FGFBP1: variants seen among roughly 807,000 people sequenced by gnomAD.
The protein encoded by FGFBP1 is fibroblast growth factor binding protein 1.
FGFBP1 carries 12 observed loss-of-function variants against 14.6 expected under a neutral mutation model. That is an observed-to-expected ratio of 0.82 (90% CI 0.53 to 1.33). The LOEUF is 1.33. Among genes scored for constraint, FGFBP1 ranks in the 40% most tolerant of loss-of-function variants. The pLI, the probability that FGFBP1 is intolerant of heterozygous loss-of-function variation, is 0.00. For synonymous variants in FGFBP1, 117 were observed against 105.0 expected (o/e 1.11, Z -0.70); for missense variants, 317 against 271.8 (o/e 1.17, Z -1.17).
intron 2 of FGFBP1, among the ~76,000 whole-genome samples, chr4:15,938,012 A>G (rs1712535741): frequency 6.6e-6 from 1 of 152,248 alleles, no homozygotes; most frequent in African/African-American, 2.4e-5. Context: ...TTTCTACCCT[A>G]GAAGTTGGCC....
At position 15,936,234 on chromosome 4, in the gene FGFBP1, A is replaced by G. The variant is rs1235521355; in HGVS notation, c.399T>C (p.Ala133=). ...CCTTTCTGCACACTCTGGTTTTCAC[A>G]GCTGTCTTGGAATATCTACAGATGT... The part of the protein sequence containing the change: ...QKDICRYSKT[A]VKTRVCRKDF... The change falls in exon 3 of 3, where the codon GCT becomes GCC. Residue 133 remains alanine, a synonymous_variant. Transcript: ENST00000382333. 1.2e-6 allele frequency: 2 copies of G among 1,614,220 alleles called. No individual in the cohort carries two copies. The highest frequency in any genetic ancestry group is 2.2e-5 in the East Asian group (1 of 44,892).
In FGFBP1 at chr4:15,936,293, T is replaced by C. The variant is rs139688335; in HGVS notation, c.340A>G (p.Lys114Glu). The C allele has an allele frequency of 2.2e-5, 36 of 1,614,216 alleles. No individual in the cohort carries two copies. In the African/African-American group the frequency reaches 4.0e-4, roughly 18 times the overall value. The change falls in exon 3 of 3, where the codon AAA becomes GAA. Residue 114 changes from lysine to glutamate, a missense_variant. Transcript: ENST00000382333. ...LKLKDERVYW[K>E]QVARNLRSQK... ...GAGCGCAGATTCCGGGCAACTTGTT[T>C]CCAATAGACTCTCTCATCCTTGAGC...
chr4:15,935,845 G>A lies in FGFBP1; in HGVS notation c.*83C>T. 1 of 774,022 alleles carries A rather than the reference G, an allele frequency of 1.3e-6. No individual in the cohort carries two copies. The allele number at this position is 774,022 out of a possible 1,614,324, so 47.9% of individuals were successfully genotyped here. A position where few individuals can be genotyped will look rare whatever the true frequency, so the allele number is the denominator to read the frequency against. On this transcript the variant is annotated 3_prime_UTR_variant, in exon 3 of 3. Transcript: ENST00000382333. ...ACTAAGCACAAAAGTTCATATTTTG[G>A]GGGGACTGTAGAGAGCTTTAAAGTA... is the stretch of plus-strand genomic sequence containing the variant.
At position 15,935,628 on chromosome 4, in the gene FGFBP1, C is replaced by T. The variant is rs974949594; in HGVS notation, c.*300G>A. On this transcript the variant is annotated 3_prime_UTR_variant, in exon 3 of 3. Coordinates refer to ENST00000382333, the MANE Select transcript of FGFBP1 (RefSeq NM_005130.5). ...ATTACCATTAATTCAGCAGAAAGTT[C>T]GTTGCACTGAAATTATCACTCTGGC... 3.9e-5 allele frequency: 10 copies of T among 254,424 alleles called. No homozygotes were observed. Among genetic ancestry groups the T allele is most frequent in the African/African-American group, 1.6e-4 (7 of 45,100 alleles). 15.8% of individuals were successfully genotyped at this position (254,424 alleles called of 1,614,324 possible).
Position 15,936,221 on chromosome 4 carries a change from C to A in FGFBP1, c.412G>T (p.Val138Leu). 6.2e-7 allele frequency: 1 copy of A among 1,614,226 alleles called. No homozygotes were observed. The highest frequency in any genetic ancestry group is 1.1e-5 in the South Asian group (1 of 91,092). The change falls in exon 3 of 3, where the codon GTG becomes TTG. Residue 138 changes from valine to leucine, a missense_variant. By Grantham distance (32) the Val-to-Leu change is conservative. Transcript: ENST00000382333. ...RYSKTAVKTR[V>L]CRKDFPESSL... ...GATTCTGGAAAATCCTTTCTGCACA[C>A]TCTGGTTTTCACAGCTGTCTTGGAA...
In FGFBP1 at chr4:15,936,478, C is replaced by A; in HGVS notation, c.155G>T (p.Ser52Ile). Residue 52 changes from serine to isoleucine, a missense_variant, in exon 3 of 3, where the codon AGC becomes ATC. Coordinates refer to ENST00000382333, the MANE Select transcript of FGFBP1 (RefSeq NM_005130.5). ...TLGNTQIKQK[S>I]RPGNKGKFVT... Reference sequence around the variant, plus strand: ...AAACTTGCCTTTGTTCCCGGGCCTGCTTTTCTGCTTAATCTGGGTGTTGCC... The same window carrying A: ...AAACTTGCCTTTGTTCCCGGGCCTGATTTTCTGCTTAATCTGGGTGTTGCC... The A allele has an allele frequency of 6.2e-7, 1 of 1,614,202 alleles. No homozygotes were observed. The highest frequency in any genetic ancestry group is 8.5e-7 in the Non-Finnish European group (1 of 1,180,026).
Position 15,935,997 on chromosome 4 carries a change from C to T in FGFBP1, c.636G>A (p.Glu212=). 1 of 1,614,126 alleles carries T rather than the reference C, an allele frequency of 6.2e-7. No homozygotes were observed. Among genetic ancestry groups the T allele is most frequent in the Non-Finnish European group, 8.5e-7 (1 of 1,179,980 alleles). The change falls in exon 3 of 3, where the codon GAG becomes GAA. Residue 212 remains glutamate (E), a synonymous_variant. Transcript: ENST00000382333. The part of the protein sequence containing the change: ...DMANQRKTAL[E]FCGETWSSLC... ...GAGAGCTCCAAGTCTCTCCACAGAA[C>T]TCCAGGGCAGTCTTCCTCTGGTTTG...
rs769936808 is a variant in FGFBP1 at position 15,935,919 on chromosome 4, T to C, written c.*9A>G. The stretch of plus-strand genomic sequence containing the variant: ...ATCTCTTAAGGGAACCCGTTCTCTT[T>C]TGACCTCATTAGCATGACGTGTCCT... On this transcript the variant is annotated 3_prime_UTR_variant, in exon 3 of 3. Coordinates refer to ENST00000382333, the MANE Select transcript of FGFBP1 (RefSeq NM_005130.5). 5 of 1,561,114 alleles carry C rather than the reference T, an allele frequency of 3.2e-6. No individual in the cohort carries two copies. The Admixed American group carries it at 9.1e-5, about 29-fold the overall frequency.
intron 2 of FGFBP1, among the ~76,000 whole-genome samples, 155 bp downstream of exon 2, chr4:15,938,096 T>C (rs532731251): frequency 1.5e-4 from 23 of 152,298 alleles, no homozygotes; most frequent in Admixed American, 2.6e-4. Flanking sequence ...AAGAGGAGAC[T>C]GGATATGCCA....
At chr4:15,936,782 T>C in intron 2 of FGFBP1, 130 bp from the exon 3 acceptor site, 1 of 596,140 alleles carries the variant, frequency 1.7e-6, no homozygotes, top group Non-Finnish European at 2.9e-6. Flanking sequence ...TTCTGGCTCC[T>C]GGAGTCACTA....
chr4:15,938,498 G>T (rs1240452033), intron 1 of FGFBP1, 27 bp from the exon 2 acceptor site: 3 of 152,434 alleles, frequency 2.0e-5, no homozygotes, highest in Non-Finnish European at 2.9e-5. Flanking sequence ...GAAAAGGGGG[G>T]TTACCTGCAT....
At chr4:15,938,582 G>A (rs2531174) in intron 1 of FGFBP1, 105 bp downstream of exon 1, 144,853 of 152,468 alleles carry the variant, frequency 0.95, 68,911 homozygotes, top group South Asian at 0.97. Context: ...CAGCCTCACA[G>A]TGACCCTCCT....
In FGFBP1 at chr4:15,936,046, T is replaced by A. The variant is rs748562267; in HGVS notation, c.587A>T (p.Glu196Val). 1 of 1,614,136 alleles carries A rather than the reference T, an allele frequency of 6.2e-7. No individual in the cohort carries two copies. Among genetic ancestry groups the A allele is most frequent in the Non-Finnish European group, 8.5e-7 (1 of 1,179,996 alleles). Residue 196 changes from glutamate to valine, a missense_variant, in exon 3 of 3, where the codon GAG becomes GTG. Transcript: ENST00000382333. ...TGCCATATCTGGGTCCTCCACACAC[T>A]CGGGAGCTTTGGTGGCCATGGTCTG... ...VTQTMATKAP[E>V]CVEDPDMANQ...
rs754608281 is a variant in FGFBP1, at chr4:15,936,362, C to T, written c.271G>A (p.Glu91Lys). 6.2e-6 allele frequency: 10 copies of T among 1,614,192 alleles called. No homozygotes were observed. In the South Asian group the frequency reaches 9.9e-5, roughly 16 times the overall value. ...LKVECTQLDHEFSCVFAGNPT... is the reference protein window; with the variant it reads ...LKVECTQLDHKFSCVFAGNPT... ...TTGCCAGCAAAGACACAGGAAAATTCATGGTCCAATTGAGTGCACTCAACC... is the reference window on the plus strand; with the variant it reads ...TTGCCAGCAAAGACACAGGAAAATTTATGGTCCAATTGAGTGCACTCAACC... Residue 91 changes from glutamate to lysine, a missense_variant, in exon 3 of 3, where the codon GAA (glutamate) becomes AAA (lysine). By Grantham distance (56) the Glu-to-Lys change is moderately conservative. Coordinates refer to ENST00000382333, the MANE Select transcript of FGFBP1 (RefSeq NM_005130.5).
rs781604261 is a variant in FGFBP1, at chr4:15,936,224, T to C, written c.409A>G (p.Arg137Gly). 1.5e-5 allele frequency: 25 copies of C among 1,614,248 alleles called. No individual in the cohort carries two copies. Among genetic ancestry groups the C allele is most frequent in the East Asian group, 2.2e-5 (1 of 44,888 alleles). ...TCTGGAAAATCCTTTCTGCACACTC[T>C]GGTTTTCACAGCTGTCTTGGAATAT... ...CRYSKTAVKTRVCRKDFPESS... is the reference protein window; with the variant it reads ...CRYSKTAVKTGVCRKDFPESS... The change falls in exon 3 of 3, where the codon AGA becomes GGA. Residue 137 changes from arginine (R) to glycine (G), a missense_variant. Transcript: ENST00000382333.
intron 2 of FGFBP1, 38 bp from the exon 3 acceptor site, chr4:15,936,690 C>T: frequency 7.5e-7 from 1 of 1,332,034 alleles, no homozygotes; most frequent in Non-Finnish European, 1.0e-6. Flanking sequence ...TGGCAGGCAG[C>T]AGTTCAGCTG....
chr4:15,935,842 T>G lies in FGFBP1; in HGVS notation c.*86A>C. 3.9e-6 allele frequency: 3 copies of G among 768,844 alleles called. No homozygotes were observed. Among genetic ancestry groups the G allele is most frequent in the Non-Finnish European group, 6.0e-6 (3 of 496,742 alleles). 47.6% of individuals were successfully genotyped at this position (768,844 alleles called of 1,614,324 possible). ...CTCACTAAGCACAAAAGTTCATATT[T>G]TGGGGGGACTGTAGAGAGCTTTAAA... is the stretch of plus-strand genomic sequence containing the variant. On this transcript the variant is annotated 3_prime_UTR_variant, in exon 3 of 3. Transcript: ENST00000382333.
rs142937617 is a variant in FGFBP1 at position 15,936,339 on chromosome 4, G to A, written c.294C>T (p.Gly98=). The change falls in exon 3 of 3, where the codon GGC becomes GGT. Residue 98 remains glycine, a synonymous_variant. Coordinates refer to ENST00000382333, the MANE Select transcript of FGFBP1 (RefSeq NM_005130.5). ...TGAGCTTTAGGCATGAGGTTGGATT[G>A]CCAGCAAAGACACAGGAAAATTCAT... ...LDHEFSCVFA[G]NPTSCLKLKD... is the part of the protein sequence containing the mutation. 3.2e-5 allele frequency: 52 copies of A among 1,614,036 alleles called. No homozygotes were observed. The highest frequency in any genetic ancestry group is 3.7e-5 in the Non-Finnish European group (44 of 1,180,028).
chr4:15,935,736 A>C lies in FGFBP1; in HGVS notation c.*192T>G, dbSNP rs1712458815. 1 of 484,610 alleles carries C rather than the reference A, an allele frequency of 2.1e-6. No individual in the cohort carries two copies. Among genetic ancestry groups the C allele is most frequent in the South Asian group, 4.7e-5 (1 of 21,358 alleles). 30.0% of individuals were successfully genotyped at this position (484,610 alleles called of 1,614,324 possible). On this transcript the variant is annotated 3_prime_UTR_variant, in exon 3 of 3. Transcript: ENST00000382333. Reference sequence around the variant, plus strand: ...TACATGCTGCAGGAAACAGCCTCTGAACATCGCATCCAAGAAAAATAAGGC... The same window carrying C: ...TACATGCTGCAGGAAACAGCCTCTGCACATCGCATCCAAGAAAAATAAGGC...
Sources: gnomAD v4.1 joint callset for allele counts (sites outside exome capture counted in the v4.1 genomes callset) on GRCh38, gnomAD v4.1.1 for gene constraint, MANE v1.5 for transcripts, NCBI Gene and HGNC (gene_info 2026-07-23, HGNC 2026-07-21) for gene names.